Variants in TSPEAR observed in about 807,000 individuals in gnomAD.
The protein encoded by TSPEAR is thrombospondin type laminin G domain and EAR repeats.
Under a neutral mutation model 71.6 loss-of-function variants are expected in TSPEAR, and 69 were observed. The ratio of observed to expected loss-of-function variants is 0.96; its 90% CI spans 0.79 to 1.18. The LOEUF (loss-of-function observed/expected upper bound fraction) is 1.18. Among genes scored for constraint, TSPEAR ranks in the 50% most tolerant of loss-of-function variants. TSPEAR has a pLI of 0.00. For missense variants in TSPEAR, 971 were observed against 894.9 expected (o/e 1.09, Z -1.09); for synonymous variants, 402 against 387.2 (o/e 1.04, Z -0.45).
rs1398181689 is a variant in TSPEAR, at chr21:44,710,512, C to T, written c.82+921G>A. 6.6e-6 allele frequency among the ~76,000 whole-genome samples: 1 copy of T among 151,340 alleles called. No individual in the cohort carries two copies. The highest frequency in any genetic ancestry group is 2.0e-4 in the East Asian group (1 of 5,060). ...CATGTCATCGGGATCTGAGTGCCAT[C>T]CGAGCAGAGAGCTGTGGCCCGGTGC... On this transcript the variant is annotated intron_variant, in intron 1 of 11. Coordinates refer to ENST00000323084, the MANE Select transcript of TSPEAR (RefSeq NM_144991.3). This position sits in a 1 kb window ranked among gnomAD's most constrained non-coding sequence, Gnocchi z 4.6.
At chr21:44,569,606 G>C (rs587746720) in intron 1 of TSPEAR, among the ~76,000 whole-genome samples, 2 of 152,312 alleles carry the variant, frequency 1.3e-5, no homozygotes, top group East Asian at 3.9e-4. Flanking sequence ...TGAAGAAAGT[G>C]TGGCCTGCTT....
In TSPEAR at chr21:44,583,692, T is replaced by C. The variant is rs73907033; in HGVS notation, c.83-15687A>G. 5.0e-3 allele frequency among the ~76,000 whole-genome samples: 761 copies of C among 152,330 alleles called. 8 individuals carry two copies. The highest frequency in any genetic ancestry group is 0.018 in the African/African-American group (730 of 41,562). On this transcript the variant is annotated intron_variant, in intron 1 of 11. Transcript: ENST00000323084. ...TAACTTGAGTGATCTAAGATATACA[T>C]TACTTGATAATGGCTCATTATCCCT...
At chr21:44,545,326 A>C (rs947279955) in intron 2 of TSPEAR, among the ~76,000 whole-genome samples, 31 of 151,990 alleles carry the variant, frequency 2.0e-4, no homozygotes, top group African/African-American at 6.5e-4. Context: ...TCAAAAAAAA[A>C]ATTGATTAAT....
At position 44,602,720 on chromosome 21, in the gene TSPEAR, C is replaced by A. The variant is rs587631211; in HGVS notation, c.83-34715G>T. Among the ~76,000 whole-genome samples the A allele has an allele frequency of 8.2e-3, 1,242 of 152,340 alleles. 19 individuals carry two copies. The highest frequency in any genetic ancestry group is 0.028 in the African/African-American group (1,174 of 41,566). On this transcript the variant is annotated intron_variant, in intron 1 of 11. Coordinates refer to ENST00000323084, the MANE Select transcript of TSPEAR (RefSeq NM_144991.3). ...CGGGTACATCACCGGGCAGGGCATCCCCAACATCGCACACGCAGCGTCCCA... is the reference window on the plus strand; with the variant it reads ...CGGGTACATCACCGGGCAGGGCATCACCAACATCGCACACGCAGCGTCCCA...
Position 44,538,920 on chromosome 21 carries a change from TGGA to T in TSPEAR, c.304-5000_304-4998del, listed in dbSNP as rs371992472. 6.2e-4 allele frequency: 229 copies of T among 367,164 alleles called. 5 individuals carry two copies. In the East Asian group the frequency reaches 9.0e-3, roughly 14 times the overall value. The allele number at this position is 367,164 out of a possible 1,614,324, so 22.7% of individuals were successfully genotyped here. ...ACTCATTCCTAAAAATAATCATGGC[TGGA>T]GGAGACCAATGTCAGCTCAAAACCA... is the stretch of plus-strand genomic sequence containing the variant. On this transcript the variant is annotated intron_variant, in intron 2 of 11. Transcript: ENST00000323084.
intron 1 of TSPEAR, among the ~76,000 whole-genome samples, chr21:44,659,510 G>A (rs187774488): frequency 2.2e-4 from 33 of 152,258 alleles, no homozygotes; most frequent in Non-Finnish European, 1.0e-4. Context: ...AGAGACGCAC[G>A]CATTTCCAGA....
chr21:44,640,254 A>G (rs1338552245), intron 1 of TSPEAR, among the ~76,000 whole-genome samples: 2 of 152,250 alleles, frequency 1.3e-5, no homozygotes, highest in South Asian at 2.1e-4. Flanking sequence ...GACACAGGCT[A>G]CAACATGCAT....
At chr21:44,682,241 T>C (rs1986640876) in intron 1 of TSPEAR, 4 of 1,182,186 alleles carry the variant, frequency 3.4e-6, no homozygotes. Context: ...ACACACCTGT[T>C]GTCTTCCTTG....
intron 1 of TSPEAR, chr21:44,646,655 C>T (rs1486617185): frequency 6.2e-7 from 1 of 1,613,750 alleles, no homozygotes; most frequent in Non-Finnish European, 8.5e-7. Context: ...GAGCCCAGCG[C>T]CTGCCAATCA....
At chr21:44,654,365 A>G in intron 1 of TSPEAR, 1 of 1,614,152 alleles carries the variant, frequency 6.2e-7, no homozygotes, top group Non-Finnish European at 8.5e-7. Flanking sequence ...GGGCAGAAGG[A>G]AGCCACACAC....
At position 44,544,386 on chromosome 21, in the gene TSPEAR, G is replaced by C. The variant is rs117497804; in HGVS notation, c.304-10463C>G. ...ATGAGGGAAATTTGTGGGATGATGA[G>C]AGGAGTCTATGTATTGATGGTGTTG... On this transcript the variant is annotated intron_variant, in intron 2 of 11. Transcript: ENST00000323084. Among the ~76,000 whole-genome samples, 1,064 of 152,300 alleles carry C rather than the reference G, an allele frequency of 7.0e-3. 6 individuals carry two copies. Among genetic ancestry groups the C allele is most frequent in the Middle Eastern group, 0.031 (9 of 294 alleles).
At chr21:44,500,940 T>G (rs181508834) in intron 11 of TSPEAR, among the ~76,000 whole-genome samples, 2 of 152,342 alleles carry the variant, frequency 1.3e-5, no homozygotes, top group East Asian at 3.9e-4. Context: ...GTGCCTTTCC[T>G]TCTGGGCTTG....
rs191143712 is a variant in TSPEAR at position 44,637,739 on chromosome 21, G to A, written c.83-69734C>T. 8.7e-5 allele frequency: 116 copies of A among 1,337,964 alleles called. No individual in the cohort carries two copies. The highest frequency in any genetic ancestry group is 4.7e-4 in the Admixed American group (21 of 44,464). 82.9% of individuals were successfully genotyped at this position (1,337,964 alleles called of 1,614,324 possible). On this transcript the variant is annotated intron_variant, in intron 1 of 11. Transcript: ENST00000323084. ...CTGTGTGCCCGTCTGCTGCGTGCCC[G>A]TCTGTAACAAGCCTGTGTGCTTCGT...
chr21:44,582,916 G>A lies in TSPEAR; in HGVS notation c.83-14911C>T, dbSNP rs782754503. On this transcript the variant is annotated intron_variant, in intron 1 of 11. Coordinates refer to ENST00000323084, the MANE Select transcript of TSPEAR (RefSeq NM_144991.3). Reference sequence around the variant, plus strand: ...AGTGGTGCTGCAGGCCCCACCTCCCGGGTTCAAGCGATTCTCCTCCCTCAG... The same window carrying A: ...AGTGGTGCTGCAGGCCCCACCTCCCAGGTTCAAGCGATTCTCCTCCCTCAG... Among the ~76,000 whole-genome samples the A allele has an allele frequency of 5.9e-5, 9 of 151,808 alleles. No homozygotes were observed. The South Asian group carries it at 6.3e-4, about 11-fold the overall frequency.
At chr21:44,693,610 C>A (rs1987208024) in intron 1 of TSPEAR, among the ~76,000 whole-genome samples, 1 of 151,778 alleles carries the variant, frequency 6.6e-6, no homozygotes, top group African/African-American at 2.4e-5. Flanking sequence ...ATCAAAACCA[C>A]AATGAATGCT....
intron 9 of TSPEAR, among the ~76,000 whole-genome samples, chr21:44,521,321 T>TCCCTGC (rs2052728852): frequency 6.6e-6 from 1 of 152,166 alleles, no homozygotes; most frequent in Non-Finnish European, 1.5e-5. Context: ...CAGCACGCTG[T>TCCCTGC]CCCTGCCCCT....
At chr21:44,568,079 A>T in intron 1 of TSPEAR, 74 bp from the exon 2 acceptor site, 1 of 1,207,956 alleles carries the variant, frequency 8.3e-7, no homozygotes, top group African/African-American at 1.5e-5. Flanking sequence ...GCCAACATGT[A>T]TGGGGCATCA....
rs782799926 is a variant in TSPEAR, at chr21:44,592,467, C to A, written c.83-24462G>T. On this transcript the variant is annotated intron_variant, in intron 1 of 11. Coordinates refer to ENST00000323084, the MANE Select transcript of TSPEAR (RefSeq NM_144991.3). ...AGCTCAGGTCGCTGGAGCAGACGGACATGGTGGACGCGGCCATGCTGGGGT... is the reference window on the plus strand; with the variant it reads ...AGCTCAGGTCGCTGGAGCAGACGGAAATGGTGGACGCGGCCATGCTGGGGT... 3.1e-6 allele frequency: 5 copies of A among 1,611,192 alleles called. No homozygotes were observed. The highest frequency in any genetic ancestry group is 4.2e-6 in the Non-Finnish European group (5 of 1,178,326).
At chr21:44,595,635 C>A (rs1980315205) in intron 1 of TSPEAR, among the ~76,000 whole-genome samples, 4 of 152,180 alleles carry the variant, frequency 2.6e-5, no homozygotes, top group Admixed American at 1.3e-4. Context: ...ACAACAAGAT[C>A]AGAGCATCGT....
Sources: gnomAD v4.1 joint callset for allele counts (sites outside exome capture counted in the v4.1 genomes callset) on GRCh38, gnomAD v4.1.1 for gene constraint, Gnocchi (gnomAD v3.1) non-coding constraint, MANE v1.5 for transcripts, NCBI Gene and HGNC (gene_info 2026-07-23, HGNC 2026-07-21) for gene names.